NXPE2: variants seen among roughly 807,000 people sequenced by gnomAD.
The protein encoded by NXPE2 is NXPE family member 2.
In NXPE2, 34 loss-of-function variants were observed where a neutral mutation model predicts 34.4. That is an observed-to-expected ratio of 0.99 (90% CI 0.75 to 1.31). The LOEUF is 1.31. Ranked by LOEUF, NXPE2 falls within the 40% of genes most tolerant of loss-of-function variation. NXPE2 has a pLI of 0.00. For missense variants in NXPE2, 649 were observed against 672.5 expected (o/e 0.97, Z 0.39); for synonymous variants, 235 against 231.3 (o/e 1.02, Z -0.15).
chr11:114,747,785 G>C, the NXPE2 span, among the ~76,000 whole-genome samples: 2 of 152,108 alleles, frequency 1.3e-5, no homozygotes, highest in African/African-American at 4.8e-5. Flanking sequence ...AGGACACAGC[G>C]CCAAACCATA....
At chr11:114,710,080 T>G (rs1302684644), downstream of NXPE2, among the ~76,000 whole-genome samples, 3 of 151,880 alleles carry the variant, frequency 2.0e-5, no homozygotes, top group Non-Finnish European at 4.4e-5. Flanking sequence ...CACTAAAACT[T>G]ATGGGATGCA....
chr11:114,707,054 T>C lies in NXPE2; in HGVS notation c.*124T>C. On this transcript the variant is annotated 3_prime_UTR_variant, in exon 6 of 6. Coordinates refer to ENST00000389586, the MANE Select transcript of NXPE2 (RefSeq NM_182495.6). ...TTGAAAAAGTTCTATTAAAGTTAAA[T>C]ATATGTAACATAACATTTACCATTT... The C allele has an allele frequency of 1.5e-6, 1 of 688,014 alleles. No homozygotes were observed. Among genetic ancestry groups the C allele is most frequent in the Non-Finnish European group, 2.4e-6 (1 of 419,860 alleles). 42.6% of individuals were successfully genotyped at this position (688,014 alleles called of 1,614,324 possible).
the NXPE2 span, among the ~76,000 whole-genome samples, chr11:114,714,456 T>G: frequency 3.3e-5 from 5 of 152,178 alleles, no homozygotes; most frequent in Non-Finnish European, 7.3e-5. Context: ...AAAATCTACC[T>G]CAAAGTAGCC....
chr11:114,670,303 T>A, the NXPE2 span, among the ~76,000 whole-genome samples: 1 of 151,976 alleles, frequency 6.6e-6, no homozygotes, highest in African/African-American at 2.4e-5. Flanking sequence ...CCCAAGATGA[T>A]TGTGTGCATG....
At chr11:114,740,156 G>C in the NXPE2 span, among the ~76,000 whole-genome samples, 1 of 152,068 alleles carries the variant, frequency 6.6e-6, no homozygotes, top group African/African-American at 2.4e-5. Flanking sequence ...TATAACAATA[G>C]ACTGTAATTA....
chr11:114,808,942 C>T, the NXPE2 span, among the ~76,000 whole-genome samples: 6 of 152,128 alleles, frequency 3.9e-5, no homozygotes, highest in East Asian at 5.8e-4. Context: ...CAAAAATCCT[C>T]AGTAAAACAC....
At chr11:114,650,507 G>C in the NXPE2 span, among the ~76,000 whole-genome samples, 33 of 152,298 alleles carry the variant, frequency 2.2e-4, no homozygotes, top group African/African-American at 6.7e-4. Context: ...TAAAGCCCTG[G>C]CCTTAAGCAA....
the NXPE2 span, among the ~76,000 whole-genome samples, chr11:114,597,017 G>A: frequency 5.3e-5 from 8 of 152,304 alleles, no homozygotes; most frequent in Admixed American, 5.2e-4. Flanking sequence ...TAGTGTATAT[G>A]TATAACAACA....
At chr11:114,711,892 A>G (rs1048590378), downstream of NXPE2, among the ~76,000 whole-genome samples, 1 of 152,200 alleles carries the variant, frequency 6.6e-6, no homozygotes, top group African/African-American at 2.4e-5. Flanking sequence ...GTACTGATAT[A>G]AAGATAGCTA....
the NXPE2 span, among the ~76,000 whole-genome samples, chr11:114,645,324 A>G: frequency 6.6e-6 from 1 of 152,072 alleles, no homozygotes; most frequent in Admixed American, 6.6e-5. Flanking sequence ...TAAAAATAAA[A>G]AAACCCAGTC....
At chr11:114,552,874 G>C in the NXPE2 span, 1 of 977,604 alleles carries the variant, frequency 1.0e-6, no homozygotes, top group Admixed American at 6.2e-5. Flanking sequence ...AGGTAGCACA[G>C]AATGCACTGA....
At chr11:114,508,090 C>A in the NXPE2 span, among the ~76,000 whole-genome samples, 1 of 152,088 alleles carries the variant, frequency 6.6e-6, no homozygotes. Context: ...AGCATTCCTA[C>A]ACAGCAACAA....
At chr11:114,577,651 G>A in the NXPE2 span, among the ~76,000 whole-genome samples, 2 of 152,166 alleles carry the variant, frequency 1.3e-5, no homozygotes, top group Admixed American at 1.3e-4. Flanking sequence ...GGATGGAAAG[G>A]TAGTGAGGTA....
chr11:114,617,109 C>T, the NXPE2 span, among the ~76,000 whole-genome samples: 2 of 152,002 alleles, frequency 1.3e-5, no homozygotes, highest in African/African-American at 2.4e-5. Flanking sequence ...AGTGTTGCCT[C>T]GTGGGTAACC....
the NXPE2 span, among the ~76,000 whole-genome samples, chr11:114,601,584 T>TAA: frequency 0.015 from 1,242 of 85,594 alleles, 6 homozygotes; most frequent in Middle Eastern, 0.036. Context: ...TAATTATATA[T>TAA]TATATATATT....
chr11:114,579,543 C>G, the NXPE2 span, among the ~76,000 whole-genome samples: 4 of 152,230 alleles, frequency 2.6e-5, no homozygotes, highest in East Asian at 7.7e-4. Context: ...GTCTACCTCA[C>G]TTCTGACATC....
At chr11:114,802,452 C>T in the NXPE2 span, among the ~76,000 whole-genome samples, 2 of 152,178 alleles carry the variant, frequency 1.3e-5, no homozygotes, top group Non-Finnish European at 1.5e-5. Flanking sequence ...GGGTTTGGGT[C>T]ACAAGCCCAT....
chr11:114,801,318 C>G, the NXPE2 span, among the ~76,000 whole-genome samples: 1 of 152,102 alleles, frequency 6.6e-6, no homozygotes, highest in Non-Finnish European at 1.5e-5. Flanking sequence ...TGAAAAGAAA[C>G]CAGTTGTGCA....
At chr11:114,511,816 C>G in the NXPE2 span, among the ~76,000 whole-genome samples, 1 of 152,130 alleles carries the variant, frequency 6.6e-6, no homozygotes, top group African/African-American at 2.4e-5. Context: ...GGCACCTCAT[C>G]TCTCTCCTGC....
Sources: gnomAD v4.1 joint callset for allele counts (sites outside exome capture counted in the v4.1 genomes callset) on GRCh38, gnomAD v4.1.1 for gene constraint, MANE v1.5 for transcripts, NCBI Gene and HGNC (gene_info 2026-07-23, HGNC 2026-07-21) for gene names.